BABAM2: variants seen among roughly 807,000 people sequenced by gnomAD.
BABAM2 encodes the protein BRISC and BRCA1 A complex member 2, also known as BRISC and BRCA1-A complex member 2.
A neutral mutation model predicts 54.7 loss-of-function variants in BABAM2; 31 were observed. The ratio of observed to expected loss-of-function variants is 0.57; its 90% CI spans 0.43 to 0.77. BABAM2 has a LOEUF of 0.77. BABAM2 is among the 30% of genes least tolerant of loss of function. The probability of loss-of-function intolerance (pLI) is 0.00; values close to 1 mark genes in which losing one functional copy is unlikely to be tolerated. For missense variants in BABAM2, 364 were observed against 455.8 expected (o/e 0.80, Z 1.83); for synonymous variants, 167 against 162.9 (o/e 1.03, Z -0.19).
intron 6 of BABAM2, among the ~76,000 whole-genome samples, chr2:28,083,626 G>A (rs767018753): frequency 6.6e-5 from 10 of 151,848 alleles, no homozygotes; most frequent in Non-Finnish European, 1.3e-4. Context: ...TATTTTTACT[G>A]AACCGATTGA....
At chr2:28,335,999 A>G (rs1015746422) in intron 11 of BABAM2, among the ~76,000 whole-genome samples, 1 of 152,232 alleles carries the variant, frequency 6.6e-6, no homozygotes, top group Non-Finnish European at 1.5e-5. Context: ...GAGGAACAGA[A>G]TAGATTTTCT....
chr2:28,233,200 A>G (rs1681582512), intron 7 of BABAM2: 1 of 471,024 alleles, frequency 2.1e-6, no homozygotes, highest in Non-Finnish European at 4.4e-6. Context: ...TCCCCGCACC[A>G]CTCTGGGGAT....
intron 7 of BABAM2, among the ~76,000 whole-genome samples, chr2:28,195,453 G>GA (rs1311340150): frequency 1.3e-5 from 2 of 151,728 alleles, no homozygotes; most frequent in African/African-American, 2.4e-5. Context: ...TATCTGTCTG[G>GA]AAAAAAAATC....
chr2:28,025,435 G>A lies in BABAM2; in HGVS notation c.495+15G>A. 6.5e-7 allele frequency: 1 copy of A among 1,546,980 alleles called. No homozygotes were observed. Among genetic ancestry groups the A allele is most frequent in the Non-Finnish European group, 8.7e-7 (1 of 1,153,190 alleles). On this transcript the variant is annotated intron_variant, in intron 5 of 11. Transcript: ENST00000379624. ...AAAACAACTGGGTAAGGATTTTTGA[G>A]AATGGAAAAAAAGATGACTTCATCC...
chr2:28,287,475 ATGCCAG>A (rs1318445742), intron 10 of BABAM2, among the ~76,000 whole-genome samples: 1 of 152,188 alleles, frequency 6.6e-6, no homozygotes, highest in African/African-American at 2.4e-5. Context: ...TCACTAATCA[ATGCCAG>A]TTAGTCACTA....
At position 27,998,335 on chromosome 2, in the gene BABAM2, G is replaced by A. The variant is rs576403757; in HGVS notation, c.300+10248G>A. Among the ~76,000 whole-genome samples, 7 of 151,662 alleles carry A rather than the reference G, an allele frequency of 4.6e-5. No individual in the cohort carries two copies. In the East Asian group the frequency reaches 7.7e-4, roughly 17 times the overall value. The stretch of plus-strand genomic sequence containing the variant: ...ATAATAATTATTATTATTAGCATTC[G>A]AAATACAAGTAAATACCAAGAAAAA... On this transcript the variant is annotated intron_variant, in intron 4 of 11. Coordinates refer to ENST00000379624, the MANE Select transcript of BABAM2 (RefSeq NM_199191.3).
At chr2:28,156,408 T>C (rs1672549546) in intron 7 of BABAM2, among the ~76,000 whole-genome samples, 1 of 152,174 alleles carries the variant, frequency 6.6e-6, no homozygotes, top group African/African-American at 2.4e-5. Context: ...ATTATTTATA[T>C]ATTATTTATA....
intron 2 of BABAM2, among the ~76,000 whole-genome samples, chr2:27,903,733 G>A (rs918900450): frequency 3.3e-5 from 5 of 152,152 alleles, no homozygotes; most frequent in East Asian, 1.9e-4. Flanking sequence ...CGTAGCATAC[G>A]CTGTAGCTGT....
intron 7 of BABAM2, among the ~76,000 whole-genome samples, chr2:28,165,599 A>G (rs914840188): frequency 1.0e-4 from 12 of 118,924 alleles, no homozygotes; most frequent in African/African-American, 3.6e-4. Context: ...CAGTGGTATG[A>G]TATTGTGTCA....
chr2:28,301,008 G>T (rs2148249134), intron 11 of BABAM2, among the ~76,000 whole-genome samples: 1 of 152,324 alleles, frequency 6.6e-6, no homozygotes, highest in African/African-American at 2.4e-5. Context: ...CACCGTGAAA[G>T]AACTGTCCTG....
At chr2:28,183,986 A>G (rs1177371296) in intron 7 of BABAM2, among the ~76,000 whole-genome samples, 1 of 152,142 alleles carries the variant, frequency 6.6e-6, no homozygotes, top group Admixed American at 6.5e-5. Flanking sequence ...TCATGCTTGT[A>G]TTCACACAAA....
chr2:28,012,206 C>T (rs143146663), intron 4 of BABAM2, among the ~76,000 whole-genome samples: 6 of 152,248 alleles, frequency 3.9e-5, no homozygotes, highest in Middle Eastern at 3.4e-3. Context: ...GGATGATATT[C>T]GAGCAACCTG....
At chr2:27,905,091 T>C (rs771121546) in intron 2 of BABAM2, among the ~76,000 whole-genome samples, 8 of 152,224 alleles carry the variant, frequency 5.3e-5, no homozygotes, top group Non-Finnish European at 7.3e-5. Context: ...AGAAGTTAGA[T>C]TGAGGTAGAA....
At chr2:28,124,479 C>G (rs1187213761) in intron 6 of BABAM2, among the ~76,000 whole-genome samples, 1 of 152,152 alleles carries the variant, frequency 6.6e-6, no homozygotes, top group Non-Finnish European at 1.5e-5. Context: ...TTTAAAGTCA[C>G]TAGTTCTGGA....
At chr2:28,264,197 T>C (rs1684781881) in intron 10 of BABAM2, among the ~76,000 whole-genome samples, 1 of 152,194 alleles carries the variant, frequency 6.6e-6, no homozygotes, top group African/African-American at 2.4e-5. Context: ...GAGATGGGGT[T>C]TGCCTTTTTT....
chr2:28,292,751 A>G (rs576038246), intron 10 of BABAM2, among the ~76,000 whole-genome samples: 2 of 152,354 alleles, frequency 1.3e-5, no homozygotes. Context: ...CAAAAGACCC[A>G]TAGCCCACTT....
intron 3 of BABAM2, among the ~76,000 whole-genome samples, chr2:27,985,497 T>C (rs947074110): frequency 6.6e-6 from 1 of 152,220 alleles, no homozygotes; most frequent in Non-Finnish European, 1.5e-5. Context: ...CATTTTTTCA[T>C]ATGTTTGTTG....
At chr2:28,327,097 G>T (rs1017496750) in intron 11 of BABAM2, among the ~76,000 whole-genome samples, 2 of 152,220 alleles carry the variant, frequency 1.3e-5, no homozygotes, top group African/African-American at 4.8e-5. Context: ...TTCTTCCAGG[G>T]TGTGAGAGAA....
intron 4 of BABAM2, among the ~76,000 whole-genome samples, chr2:28,016,691 A>G (rs1281030612): frequency 1.3e-5 from 2 of 152,358 alleles, no homozygotes; most frequent in East Asian, 3.9e-4. Flanking sequence ...GAAGAGAATT[A>G]TTAGAATATT....
Sources: gnomAD v4.1 joint callset for allele counts (sites outside exome capture counted in the v4.1 genomes callset) on GRCh38, gnomAD v4.1.1 for gene constraint, MANE v1.5 for transcripts, NCBI Gene and HGNC (gene_info 2026-07-23, HGNC 2026-07-21) for gene names.